Variants in DLC1 observed in about 807,000 individuals in gnomAD.
DLC1 encodes the protein rho GTPase-activating protein 7.
In DLC1, 54 loss-of-function variants were observed where a neutral mutation model predicts 140.3. That is an observed-to-expected ratio of 0.38 (90% CI 0.31 to 0.48). The LOEUF (loss-of-function observed/expected upper bound fraction) is 0.48. DLC1 is among the 20% of genes least tolerant of loss of function. The probability of loss-of-function intolerance (pLI) is 0.96; values close to 1 mark genes in which losing one functional copy is unlikely to be tolerated. For missense variants in DLC1, 2,536 were observed against 1,907.0 expected (o/e 1.33, Z -6.14); for synonymous variants, 986 against 728.1 (o/e 1.35, Z -5.70).
At chr8:13,533,451 G>C (rs929697218) in intron 1 of DLC1, among the ~76,000 whole-genome samples, 3 of 152,188 alleles carry the variant, frequency 2.0e-5, no homozygotes, top group African/African-American at 4.8e-5. Context: ...CTTAAAATGA[G>C]TGGGAGGGAC....
intron 5 of DLC1, among the ~76,000 whole-genome samples, chr8:13,170,960 C>A (rs115719190): frequency 0.017 from 2,555 of 152,152 alleles, 67 homozygotes; most frequent in African/African-American, 0.059. Context: ...GACCACTTTG[C>A]GACTGAGGGT....
chr8:13,593,089 T>C (rs1027633301), intron 1 of DLC1, among the ~76,000 whole-genome samples: 1 of 152,124 alleles, frequency 6.6e-6, no homozygotes, highest in Non-Finnish European at 1.5e-5. Flanking sequence ...TCTTCTGAAG[T>C]TACACTGCAG....
At chr8:13,468,293 A>T (rs1330912043) in intron 2 of DLC1, among the ~76,000 whole-genome samples, 1 of 150,636 alleles carries the variant, frequency 6.6e-6, no homozygotes, top group African/African-American at 2.4e-5. Context: ...CATCGGTAAT[A>T]ATAGTTCTTT....
chr8:13,344,690 A>G (rs964245782), intron 4 of DLC1, among the ~76,000 whole-genome samples: 1 of 152,216 alleles, frequency 6.6e-6, no homozygotes, highest in Non-Finnish European at 1.5e-5. Context: ...GGTCTCTATC[A>G]CTATTATGAT....
chr8:13,483,039 G>C (rs1418589498), intron 2 of DLC1, among the ~76,000 whole-genome samples: 1 of 152,160 alleles, frequency 6.6e-6, no homozygotes, highest in African/African-American at 2.4e-5. Context: ...GGTTGGCAGG[G>C]CTGTGCTTTT....
intron 2 of DLC1, among the ~76,000 whole-genome samples, chr8:13,439,677 G>A (rs1249254250): frequency 6.6e-6 from 1 of 151,962 alleles, no homozygotes; most frequent in East Asian, 1.9e-4. Context: ...TGGAGATTTA[G>A]AGCAAATCTG....
chr8:13,309,867 C>G (rs1330357197), intron 4 of DLC1, among the ~76,000 whole-genome samples: 1 of 152,096 alleles, frequency 6.6e-6, no homozygotes, highest in Non-Finnish European at 1.5e-5. Flanking sequence ...TCTAATTGAA[C>G]CAATTTCTTC....
chr8:13,459,612 C>A (rs1799568314), intron 2 of DLC1, among the ~76,000 whole-genome samples: 1 of 152,034 alleles, frequency 6.6e-6, no homozygotes, highest in Non-Finnish European at 1.5e-5. Flanking sequence ...AGCCCTGGGC[C>A]CCAGGACCCC....
At chr8:13,566,879 C>T (rs1315325655) in intron 1 of DLC1, 4 of 1,367,074 alleles carry the variant, frequency 2.9e-6, no homozygotes, top group South Asian at 3.2e-5. Flanking sequence ...AAGACGACCT[C>T]CGCAGAGCTG....
intron 5 of DLC1, among the ~76,000 whole-genome samples, chr8:13,177,309 A>G (rs1389789232): frequency 6.6e-6 from 1 of 152,222 alleles, no homozygotes; most frequent in African/African-American, 2.4e-5. Flanking sequence ...GTCAATTTTT[A>G]TAGAAAAAGC....
intron 2 of DLC1, among the ~76,000 whole-genome samples, chr8:13,423,348 A>G (rs1026206358): frequency 6.6e-6 from 1 of 152,186 alleles, no homozygotes; most frequent in Non-Finnish European, 1.5e-5. Context: ...GGAGACATGT[A>G]CTGGCATAGT....
intron 5 of DLC1, among the ~76,000 whole-genome samples, chr8:13,210,379 T>C (rs1452516118): frequency 1.3e-5 from 2 of 152,174 alleles, no homozygotes; most frequent in Non-Finnish European, 2.9e-5. Context: ...AACAATGTCA[T>C]TGTCAACAAA....
chr8:13,094,345 G>A (rs1000768516), intron 12 of DLC1, among the ~76,000 whole-genome samples: 2 of 152,132 alleles, frequency 1.3e-5, no homozygotes, highest in Non-Finnish European at 2.9e-5. Context: ...TTTCCAAGAG[G>A]TCACCATGCA....
intron 12 of DLC1, among the ~76,000 whole-genome samples, chr8:13,094,269 C>A (rs941191904): frequency 6.6e-6 from 1 of 152,198 alleles, no homozygotes; most frequent in Non-Finnish European, 1.5e-5. Flanking sequence ...ATTTTCACAT[C>A]ATTCAATAAT....
intron 2 of DLC1, among the ~76,000 whole-genome samples, chr8:13,467,607 T>C (rs1401086705): frequency 6.6e-6 from 1 of 152,094 alleles, no homozygotes; most frequent in Admixed American, 6.6e-5. Context: ...GGTACGTGCC[T>C]ATGGTCCCAG....
chr8:13,255,777 A>G (rs1830199587), intron 5 of DLC1, among the ~76,000 whole-genome samples: 1 of 152,184 alleles, frequency 6.6e-6, no homozygotes, highest in South Asian at 2.1e-4. Flanking sequence ...TGTAATGCCC[A>G]CAGCAGTTAC....
At chr8:13,205,164 G>C (rs1013943246) in intron 5 of DLC1, among the ~76,000 whole-genome samples, 10 of 152,102 alleles carry the variant, frequency 6.6e-5, no homozygotes, top group African/African-American at 2.2e-4. Context: ...GTTCATTTCA[G>C]TCTGCAGAAC....
intron 5 of DLC1, among the ~76,000 whole-genome samples, chr8:13,153,052 A>G (rs993521964): frequency 6.6e-6 from 1 of 152,150 alleles, no homozygotes; most frequent in Non-Finnish European, 1.5e-5. Flanking sequence ...CTTCCTTAAA[A>G]TTTTTAACAT....
chr8:13,447,792 T>G (rs1798849415), intron 2 of DLC1, among the ~76,000 whole-genome samples: 1 of 152,198 alleles, frequency 6.6e-6, no homozygotes, highest in Admixed American at 6.5e-5. Flanking sequence ...TGTTTGTTCT[T>G]TGTGTTTTTT....
Sources: gnomAD v4.1 joint callset for allele counts (sites outside exome capture counted in the v4.1 genomes callset) on GRCh38, gnomAD v4.1.1 for gene constraint, MANE v1.5 for transcripts, NCBI Gene and HGNC (gene_info 2026-07-23, HGNC 2026-07-21) for gene names.